ARHGAP31: variants seen among roughly 807,000 people sequenced by gnomAD.
ARHGAP31 encodes Rho GTPase activating protein 31, also known as rho GTPase-activating protein 31.
Under a neutral mutation model 113.9 loss-of-function variants are expected in ARHGAP31, and 34 were observed. That is an observed-to-expected ratio of 0.30 (90% CI 0.23 to 0.40). The LOEUF is 0.40. Ranked by LOEUF, ARHGAP31 falls within the 10% of genes least tolerant of loss-of-function variation. The pLI is 1.00. For synonymous variants in ARHGAP31, 650 were observed against 684.8 expected, an observed-to-expected ratio of 0.95 and a Z score of 0.79; for missense variants, 1,548 against 1,767.1, an observed-to-expected ratio of 0.88 and a Z score of 2.22.
At chr3:119,404,305 C>T (rs1031524207) in intron 10 of ARHGAP31, among the ~76,000 whole-genome samples, 5 of 152,112 alleles carry the variant, frequency 3.3e-5, no homozygotes, top group Non-Finnish European at 7.4e-5. Flanking sequence ...AATAAGAATA[C>T]ACATTTTGTA....
intron 6 of ARHGAP31, among the ~76,000 whole-genome samples, chr3:119,386,694 A>G (rs1037278942): frequency 6.6e-6 from 1 of 152,150 alleles, no homozygotes; most frequent in Non-Finnish European, 1.5e-5. Flanking sequence ...AGTGGCCCCA[A>G]ATGTCGGGCT....
intron 1 of ARHGAP31, among the ~76,000 whole-genome samples, chr3:119,337,344 C>G (rs1382744899): frequency 6.6e-6 from 1 of 152,058 alleles, no homozygotes; most frequent in African/African-American, 2.4e-5. Flanking sequence ...CAGAGTTGTT[C>G]TTTCCTCCCG....
chr3:119,380,834 T>C, intron 3 of ARHGAP31, 70 bp from the exon 4 acceptor site: 2 of 1,330,268 alleles, frequency 1.5e-6, no homozygotes, highest in Non-Finnish European at 2.2e-6. Context: ...GCTTGAGTGA[T>C]CCCAGCACAT....
intron 1 of ARHGAP31, among the ~76,000 whole-genome samples, chr3:119,310,312 G>T (rs753766318): frequency 3.9e-5 from 6 of 152,186 alleles, no homozygotes; most frequent in Non-Finnish European, 7.3e-5. Flanking sequence ...ACATTCTGTG[G>T]TCACCCAGTG....
At chr3:119,329,980 A>G in intron 1 of ARHGAP31, 1 of 985,478 alleles carries the variant, frequency 1.0e-6, no homozygotes, top group Non-Finnish European at 1.2e-6. Flanking sequence ...GTCTGTGTCT[A>G]TGCGGGGTGA....
chr3:119,340,891 T>G (rs1054200100), intron 1 of ARHGAP31, among the ~76,000 whole-genome samples: 2 of 152,218 alleles, frequency 1.3e-5, no homozygotes, highest in Non-Finnish European at 2.9e-5. Context: ...ACATATCTTG[T>G]TTTTTTCAAA....
chr3:119,373,458 T>C (rs2080320505), intron 3 of ARHGAP31, among the ~76,000 whole-genome samples: 1 of 151,324 alleles, frequency 6.6e-6, no homozygotes, highest in Non-Finnish European at 1.5e-5. Context: ...GTTGTTGGCT[T>C]TTTTGGTTGT....
At chr3:119,385,509 G>T (rs1447266196) in intron 6 of ARHGAP31, among the ~76,000 whole-genome samples, 4 of 151,974 alleles carry the variant, frequency 2.6e-5, no homozygotes, top group Non-Finnish European at 5.9e-5. Context: ...TCCAGTTATA[G>T]ATTTTTTTCT....
chr3:119,327,012 G>A (rs1167506814), intron 1 of ARHGAP31, among the ~76,000 whole-genome samples: 1 of 151,976 alleles, frequency 6.6e-6, no homozygotes, highest in Admixed American at 6.5e-5. Flanking sequence ...ATGGTGGCAC[G>A]CGCCTGTAGT....
intron 1 of ARHGAP31, among the ~76,000 whole-genome samples, chr3:119,319,180 G>C (rs949164759): frequency 6.6e-6 from 1 of 150,442 alleles, no homozygotes; most frequent in African/African-American, 2.5e-5. Flanking sequence ...TTAATCTTCT[G>C]GTATGGGTGC....
intron 3 of ARHGAP31, 105 bp downstream of exon 3, chr3:119,368,621 C>G: frequency 2.8e-6 from 4 of 1,418,728 alleles, no homozygotes; most frequent in South Asian, 1.2e-5. Context: ...AGATGGTTGA[C>G]ATTATCTTAG....
At chr3:119,304,894 CAAAATAAAATAAAATAAAATAAAAT>C (rs71156741) in intron 1 of ARHGAP31, among the ~76,000 whole-genome samples, 20 of 144,840 alleles carry the variant, frequency 1.4e-4, no homozygotes, top group African/African-American at 2.5e-4. Flanking sequence ...GACTCTGTCT[CAAAATAAAATAAAATAAAATAAAAT>C]AAAATAAAAT....
At chr3:119,363,685 G>C (rs1365699328) in intron 1 of ARHGAP31, among the ~76,000 whole-genome samples, 1 of 152,220 alleles carries the variant, frequency 6.6e-6, no homozygotes, top group African/African-American at 2.4e-5. Flanking sequence ...TGAATGCCTT[G>C]CGTCTACCCA....
chr3:119,390,362 C>T lies in ARHGAP31; in HGVS notation c.683-423C>T, dbSNP rs368106933. 6.6e-5 allele frequency among the ~76,000 whole-genome samples: 10 copies of T among 152,344 alleles called. No individual in the cohort carries two copies. In the East Asian group the frequency reaches 1.4e-3, roughly 21 times the overall value. ...AGCTGTGGGGAGGAGAGGCAGCCTC[C>T]TGCCCTACTCTGGCAGTTAGGCTAT... On this transcript the variant is annotated intron_variant, in intron 6 of 11. Transcript: ENST00000264245.
chr3:119,309,538 T>C (rs1365448949), intron 1 of ARHGAP31, among the ~76,000 whole-genome samples: 1 of 152,044 alleles, frequency 6.6e-6, no homozygotes, highest in Non-Finnish European at 1.5e-5. Context: ...GAGAGTTGTT[T>C]GAACTCAGAA....
chr3:119,334,595 G>A (rs531961849), intron 1 of ARHGAP31, among the ~76,000 whole-genome samples: 1 of 152,298 alleles, frequency 6.6e-6, no homozygotes, highest in South Asian at 2.1e-4. Context: ...GTAGAAGGGA[G>A]TGCTGTTAAT....
chr3:119,331,892 C>T (rs1311291724), intron 1 of ARHGAP31, among the ~76,000 whole-genome samples: 1 of 152,070 alleles, frequency 6.6e-6, no homozygotes. Context: ...CAGGGCCTGG[C>T]TGCCTGCACC....
intron 11 of ARHGAP31, 141 bp downstream of exon 11, chr3:119,409,917 T>A (rs2080701689): frequency 1.1e-6 from 1 of 871,346 alleles, no homozygotes; most frequent in Non-Finnish European, 1.7e-6. Context: ...GACAAACTTG[T>A]AATGAAGGTC....
intron 1 of ARHGAP31, among the ~76,000 whole-genome samples, chr3:119,301,388 A>G (rs2079583909): frequency 6.6e-6 from 1 of 152,244 alleles, no homozygotes; most frequent in Admixed American, 6.5e-5. Context: ...GTGCTGGGAC[A>G]GAGGGAAACA....
Sources: allele counts gnomAD v4.1 joint callset (sites outside exome capture counted in the v4.1 genomes callset), GRCh38; gene constraint gnomAD v4.1.1; transcripts MANE v1.5; gene names NCBI Gene and HGNC (gene_info 2026-07-23, HGNC 2026-07-21).